The following ARHGAP10 variants were observed in gnomAD, a reference collection of about 807,000 sequenced individuals.
The protein encoded by ARHGAP10 is rho GTPase-activating protein 10.
ARHGAP10 carries 87 observed loss-of-function variants against 108.6 expected under a neutral mutation model. The ratio of observed to expected loss-of-function variants is 0.80; its 90% CI spans 0.67 to 0.96. ARHGAP10 has a LOEUF of 0.96. Among genes scored for constraint, ARHGAP10 ranks in the 40% least tolerant of loss-of-function variants. The probability of loss-of-function intolerance (pLI) is 0.00; values close to 1 mark genes in which losing one functional copy is unlikely to be tolerated. For synonymous variants in ARHGAP10, 347 were observed against 341.1 expected (o/e 1.02, Z -0.19); for missense variants, 939 against 954.5 (o/e 0.98, Z 0.21).
chr4:147,950,703 A>G (rs1351040107), intron 15 of ARHGAP10, among the ~76,000 whole-genome samples: 1 of 148,738 alleles, frequency 6.7e-6, no homozygotes, highest in African/African-American at 2.5e-5. Context: ...TGACGAGGCA[A>G]TTTTTTTTTT....
chr4:147,829,044 A>G (rs184149875), intron 3 of ARHGAP10, among the ~76,000 whole-genome samples: 1,129 of 104,462 alleles, frequency 0.011, 12 homozygotes, highest in African/African-American at 0.033. Flanking sequence ...ATGCCTGGCT[A>G]ATTTTTTTGT....
At chr4:148,062,682 C>T (rs540296099) in intron 20 of ARHGAP10, among the ~76,000 whole-genome samples, 22 of 152,196 alleles carry the variant, frequency 1.4e-4, no homozygotes, top group Admixed American at 5.2e-4. Flanking sequence ...AAGCCTGAAT[C>T]CAGTGGCATT....
At chr4:148,013,653 A>C (rs1741246445) in intron 18 of ARHGAP10, among the ~76,000 whole-genome samples, 1 of 152,152 alleles carries the variant, frequency 6.6e-6, no homozygotes, top group Non-Finnish European at 1.5e-5. Flanking sequence ...GCGCCACTGC[A>C]CTTCAACCTG....
intron 18 of ARHGAP10, among the ~76,000 whole-genome samples, chr4:148,002,710 T>C (rs1740774005): frequency 6.6e-6 from 1 of 152,236 alleles, no homozygotes; most frequent in Non-Finnish European, 1.5e-5. Context: ...TAGAGGTGTT[T>C]ATAGTATTCT....
At position 147,966,714 on chromosome 4, in the gene ARHGAP10, G is replaced by A; in HGVS notation, c.1591G>A (p.Val531Met). 1 of 1,594,432 alleles carries A rather than the reference G, an allele frequency of 6.3e-7. No homozygotes were observed. Among genetic ancestry groups the A allele is most frequent in the Non-Finnish European group, 8.6e-7 (1 of 1,166,856 alleles). Residue 531 changes from valine to methionine, a missense_variant, in exon 18 of 23, where the codon GTG becomes ATG. By Grantham distance (21) the Val-to-Met change is conservative. Coordinates refer to ENST00000336498, the MANE Select transcript of ARHGAP10 (RefSeq NM_024605.4). Reference sequence around the variant, plus strand: ...TCACTCCAAGCAGAACCTGATGACTGTGGCAAACTTAGGAGTGGTGTTTGG... The same window carrying A: ...TCACTCCAAGCAGAACCTGATGACTATGGCAAACTTAGGAGTGGTGTTTGG... Reference protein sequence around the residue: ...SNHSKQNLMTVANLGVVFGPT... With the variant: ...SNHSKQNLMTMANLGVVFGPT...
At chr4:148,049,650 A>C (rs1729036887) in intron 20 of ARHGAP10, among the ~76,000 whole-genome samples, 1 of 152,052 alleles carries the variant, frequency 6.6e-6, no homozygotes, top group South Asian at 2.1e-4. Flanking sequence ...TTCTGCTGAT[A>C]CTTATTATTT....
At chr4:147,986,814 A>C (rs1740061175) in intron 18 of ARHGAP10, among the ~76,000 whole-genome samples, 1 of 152,214 alleles carries the variant, frequency 6.6e-6, no homozygotes, top group Non-Finnish European at 1.5e-5. Context: ...CAAACGGAGG[A>C]AACTGAAGTT....
intron 18 of ARHGAP10, among the ~76,000 whole-genome samples, chr4:148,020,188 AT>A (rs1741512505): frequency 6.6e-6 from 1 of 152,160 alleles, no homozygotes; most frequent in Non-Finnish European, 1.5e-5. Context: ...TGTGGTGTGT[AT>A]TTAGAATCTT....
chr4:147,932,949 TTAAA>T, intron 13 of ARHGAP10, among the ~76,000 whole-genome samples: 1 of 152,340 alleles, frequency 6.6e-6, no homozygotes, highest in Non-Finnish European at 1.5e-5. Flanking sequence ...GAAAAAATAC[TTAAA>T]TAACCTGATT....
At chr4:147,849,523 T>C (rs898087759) in intron 4 of ARHGAP10, among the ~76,000 whole-genome samples, 6 of 152,176 alleles carry the variant, frequency 3.9e-5, no homozygotes, top group African/African-American at 1.4e-4. Flanking sequence ...AGTTTTCACG[T>C]GGGGATTTAA....
In ARHGAP10 at chr4:147,879,216, T is replaced by G. The variant is rs935256013; in HGVS notation, c.833-16T>G. The G allele has an allele frequency of 1.2e-6, 2 of 1,603,238 alleles. No homozygotes were observed. Among genetic ancestry groups the G allele is most frequent in the Admixed American group, 1.7e-5 (1 of 57,178 alleles). On this transcript the variant is annotated splice_polypyrimidine_tract_variant and intron_variant, in intron 8 of 22. Transcript: ENST00000336498. ...ATTTATGAGGGAAAATATAAAGGGC[T>G]GTTTTTTTGTTGAAGGGCCTGCTCC...
At chr4:147,793,249 G>A (rs1579052924) in intron 1 of ARHGAP10, among the ~76,000 whole-genome samples, 2 of 151,564 alleles carry the variant, frequency 1.3e-5, no homozygotes, top group South Asian at 2.1e-4. Flanking sequence ...TATATGTATG[G>A]TAGGTGTTTC....
At position 148,058,984 on chromosome 4, in the gene ARHGAP10, C is replaced by T. The variant is rs533756740; in HGVS notation, c.2028-4164C>T. ...CCCACCTAAACACAGGAAATGCCTC[C>T]GTGGCGTCAGGAACAGTCAGGTAGA... is the stretch of plus-strand genomic sequence containing the variant. On this transcript the variant is annotated intron_variant, in intron 20 of 22. Coordinates refer to ENST00000336498, the MANE Select transcript of ARHGAP10 (RefSeq NM_024605.4). Among the ~76,000 whole-genome samples, 59 of 152,316 alleles carry T rather than the reference C, an allele frequency of 3.9e-4. 1 individual carries two copies. In the South Asian group the frequency reaches 7.3e-3, roughly 19 times the overall value.
At chr4:147,784,473 T>C (rs1481014940) in intron 1 of ARHGAP10, among the ~76,000 whole-genome samples, 2 of 125,314 alleles carry the variant, frequency 1.6e-5, no homozygotes, top group East Asian at 2.2e-4. Flanking sequence ...ATATAATTTA[T>C]ATTTATATAT....
At chr4:147,813,577 C>G (rs1018752720) in intron 1 of ARHGAP10, among the ~76,000 whole-genome samples, 17 of 152,200 alleles carry the variant, frequency 1.1e-4, no homozygotes, top group African/African-American at 3.6e-4. Flanking sequence ...GCAGCAAACC[C>G]AGAGTCTGAC....
At chr4:147,829,983 G>T (rs910105033) in intron 3 of ARHGAP10, among the ~76,000 whole-genome samples, 1 of 152,170 alleles carries the variant, frequency 6.6e-6, no homozygotes, top group Non-Finnish European at 1.5e-5. Context: ...GTGCACAAAA[G>T]GTGCCTGAGA....
intron 3 of ARHGAP10, among the ~76,000 whole-genome samples, chr4:147,843,926 C>T (rs1191884193): frequency 6.6e-6 from 1 of 152,224 alleles, no homozygotes; most frequent in Non-Finnish European, 1.5e-5. Flanking sequence ...GAGACATTTC[C>T]ATTTTTCTAC....
chr4:147,909,316 C>G (rs1265535240), intron 11 of ARHGAP10, among the ~76,000 whole-genome samples: 1 of 152,176 alleles, frequency 6.6e-6, no homozygotes, highest in African/African-American at 2.4e-5. Context: ...TCATGTTCAC[C>G]AACACGGAAG....
At chr4:147,893,859 G>A (rs1735885235) in intron 10 of ARHGAP10, among the ~76,000 whole-genome samples, 1 of 152,102 alleles carries the variant, frequency 6.6e-6, no homozygotes, top group South Asian at 2.1e-4. Flanking sequence ...AGCATTTCTA[G>A]TATATAGGTC....
Sources: gnomAD v4.1 joint callset for allele counts (sites outside exome capture counted in the v4.1 genomes callset) on GRCh38, gnomAD v4.1.1 for gene constraint, MANE v1.5 for transcripts, NCBI Gene and HGNC (gene_info 2026-07-23, HGNC 2026-07-21) for gene names.